Variants in TMPRSS13 observed in about 807,000 individuals in gnomAD.
The protein encoded by TMPRSS13 is transmembrane serine protease 13.
A neutral mutation model predicts 68.4 loss-of-function variants in TMPRSS13; 50 were observed. The observed-to-expected ratio is 0.73, with a 90% CI of 0.58 to 0.93. TMPRSS13 has a LOEUF of 0.93. Ranked by LOEUF, TMPRSS13 falls within the 40% of genes least tolerant of loss-of-function variation. TMPRSS13 has a pLI of 0.00. For synonymous variants in TMPRSS13, 267 were observed against 285.8 expected (o/e 0.93, Z 0.66); for missense variants, 615 against 729.2 (o/e 0.84, Z 1.80).
At chr11:117,908,814 G>A in intron 8 of TMPRSS13, 30 bp from the exon 9 acceptor site, 1 of 1,559,224 alleles carries the variant, frequency 6.4e-7, no homozygotes, top group South Asian at 1.2e-5. Flanking sequence ...GCGTGGTCCA[G>A]TACCTGCCTG....
At chr11:117,925,835 C>G (rs2057699976) in intron 1 of TMPRSS13, among the ~76,000 whole-genome samples, 1 of 152,272 alleles carries the variant, frequency 6.6e-6, no homozygotes, top group Non-Finnish European at 1.5e-5. Flanking sequence ...TCCCACCCAG[C>G]TCCCCAGCCC....
In TMPRSS13 at chr11:117,902,209, C is replaced by T. The variant is rs367608586; in HGVS notation, c.*30G>A. 3.2e-5 allele frequency: 52 copies of T among 1,612,268 alleles called. No homozygotes were observed. The Middle Eastern group carries it at 6.6e-4, about 21-fold the overall frequency. ...CCATGGCCAGAGTCTTCACAGCAGC[C>T]GGTGCTGTGCAGAGCAGCAGGCCAG... On this transcript the variant is annotated 3_prime_UTR_variant, in exon 13 of 13. Coordinates refer to ENST00000524993, the MANE Select transcript of TMPRSS13 (RefSeq NM_001077263.3).
intron 10 of TMPRSS13, 96 bp downstream of exon 10, chr11:117,905,542 T>C: frequency 9.3e-7 from 1 of 1,072,294 alleles, no homozygotes; most frequent in South Asian, 1.5e-5. Flanking sequence ...ACATAGGCCT[T>C]CATCTGTATA....
At position 117,908,705 on chromosome 11, in the gene TMPRSS13, T is replaced by G. The variant is rs1362863292; in HGVS notation, c.1189A>C (p.Ile397Leu). Reference protein sequence around the residue: ...NLHQLPEAASIAEIIINSNYT... With the variant: ...NLHQLPEAASLAEIIINSNYT... ...TTGCTGTTGATGATGATCTCGGCAA[T>G]GGAGGCTGCCTCAGGCAACTGGTGC... Residue 397 changes from isoleucine to leucine, a missense_variant, in exon 9 of 13, where the codon ATT becomes CTT. By Grantham distance (5) the Ile-to-Leu change is conservative. Transcript: ENST00000524993. 6.2e-7 allele frequency: 1 copy of G among 1,606,654 alleles called. No individual in the cohort carries two copies. Among genetic ancestry groups the G allele is most frequent in the Non-Finnish European group, 8.5e-7 (1 of 1,177,528 alleles).
chr11:117,909,954 C>A lies in TMPRSS13; in HGVS notation c.961G>T (p.Ala321Ser), dbSNP rs776435299. Residue 321 changes from alanine (A) to serine (S), a missense_variant, in exon 8 of 13, where the codon GCC (alanine) becomes TCC (serine). Ala to Ser is a moderately conservative substitution (Grantham distance 99). Coordinates refer to ENST00000524993, the MANE Select transcript of TMPRSS13 (RefSeq NM_001077263.3). ...SLQCSHCGLR[A>S]MTGRIVGGAL... Reference sequence around the variant, plus strand: ...CCTCCCACGATCCGCCCGGTCATGGCCCTCAGTCCGCAGTCTGGAGGGAAG... The same window carrying A: ...CCTCCCACGATCCGCCCGGTCATGGACCTCAGTCCGCAGTCTGGAGGGAAG... 1.9e-6 allele frequency: 3 copies of A among 1,614,104 alleles called. No homozygotes were observed. The highest frequency in any genetic ancestry group is 1.7e-4 in the Middle Eastern group (1 of 6,060).
At position 117,902,108 on chromosome 11, in the gene TMPRSS13, G is replaced by A. The variant is rs1725439476; in HGVS notation, c.*131C>T. On this transcript the variant is annotated 3_prime_UTR_variant, in exon 13 of 13. Coordinates refer to ENST00000524993, the MANE Select transcript of TMPRSS13 (RefSeq NM_001077263.3). ...CACACACACACACACACACACAGAG[G>A]CAGCAGACAGTGGAGGTGGGAGTCC... 1.1e-6 allele frequency: 1 copy of A among 916,904 alleles called. No individual in the cohort carries two copies. Among genetic ancestry groups the A allele is most frequent in the Non-Finnish European group, 1.7e-6 (1 of 584,012 alleles). The allele number at this position is 916,904 out of a possible 1,614,324, so 56.8% of individuals were successfully genotyped here.
At chr11:117,925,549 A>G (rs1214415677) in intron 1 of TMPRSS13, among the ~76,000 whole-genome samples, 1 of 151,942 alleles carries the variant, frequency 6.6e-6, no homozygotes, top group Non-Finnish European at 1.5e-5. Flanking sequence ...GTCCTAGGGT[A>G]GTGACACACT....
At chr11:117,909,323 G>C (rs556809891) in intron 8 of TMPRSS13, among the ~76,000 whole-genome samples, 1 of 152,298 alleles carries the variant, frequency 6.6e-6, no homozygotes, top group South Asian at 2.1e-4. Flanking sequence ...CCTGAGGCCT[G>C]GTCCCAGAGC....
At position 117,902,134 on chromosome 11, in the gene TMPRSS13, G is replaced by T; in HGVS notation, c.*105C>A. ...CAGCAGACAGTGGAGGTGGGAGTCC[G>T]ATGGTGCCCGGTGGCCATTAGCCCA... On this transcript the variant is annotated 3_prime_UTR_variant, in exon 13 of 13. Coordinates refer to ENST00000524993, the MANE Select transcript of TMPRSS13 (RefSeq NM_001077263.3). The T allele has an allele frequency of 1.5e-6, 2 of 1,308,160 alleles. No homozygotes were observed. Among genetic ancestry groups the T allele is most frequent in the Non-Finnish European group, 1.1e-6 (1 of 922,242 alleles). The allele number at this position is 1,308,160 out of a possible 1,614,324, so 81.0% of individuals were successfully genotyped here.
intron 9 of TMPRSS13, among the ~76,000 whole-genome samples, chr11:117,906,204 C>G (rs1196421630): frequency 6.6e-6 from 1 of 152,254 alleles, no homozygotes; most frequent in Non-Finnish European, 1.5e-5. Context: ...CACTGGTTGT[C>G]CAGAGCCTGT....
chr11:117,911,177 A>G (rs1200747488), intron 6 of TMPRSS13, among the ~76,000 whole-genome samples: 4 of 151,854 alleles, frequency 2.6e-5, no homozygotes, highest in African/African-American at 9.7e-5. Flanking sequence ...CCCTTCCCTC[A>G]CCATTACTTC....
chr11:117,908,406 G>T, intron 9 of TMPRSS13: 1 of 632,840 alleles, frequency 1.6e-6, no homozygotes, highest in South Asian at 2.0e-5. Context: ...GTGTCATTTG[G>T]AGCAAACTTA....
rs112497023 is a variant in TMPRSS13, at chr11:117,926,220, A to C, written c.21+3067T>G. ...GGGTCCTTGGAGGACGAGGTGAGGG[A>C]TGCACACCTGCAGAGGCATAGGGCA... On this transcript the variant is annotated intron_variant, in intron 1 of 12. Transcript: ENST00000524993. 4.0e-3 allele frequency among the ~76,000 whole-genome samples: 409 copies of C among 102,096 alleles called. 5 individuals carry two copies. In the East Asian group the frequency reaches 0.046, roughly 12 times the overall value. The allele number at this position is 102,096 out of a possible 152,430, so 67.0% of individuals were successfully genotyped here.
chr11:117,923,409 G>T (rs1252772630), intron 1 of TMPRSS13, among the ~76,000 whole-genome samples: 1 of 147,858 alleles, frequency 6.8e-6, no homozygotes, highest in Non-Finnish European at 1.5e-5. Context: ...TGGACCTTCT[G>T]GGGGCCCAGC....
At chr11:117,926,019 C>A (rs73022496) in intron 1 of TMPRSS13, among the ~76,000 whole-genome samples, 3 of 151,752 alleles carry the variant, frequency 2.0e-5, no homozygotes, top group African/African-American at 7.3e-5. Flanking sequence ...GGGCAGGTAC[C>A]AGGGTCCTTG....
At position 117,918,683 on chromosome 11, in the gene TMPRSS13, T is replaced by C; in HGVS notation, c.177A>G (p.Ala59=). ...GGCCTGGAGGTGTACCAGCTGGAGA[T>C]GCCTGGGCTGGAGATGCCCGGCCCG... ...TPPGRASPAQ[A]SPAGTPPGRA... Residue 59 remains alanine (A), a synonymous_variant, in exon 2 of 13, where the codon GCA becomes GCG. Transcript: ENST00000524993. 1 of 1,603,348 alleles carries C rather than the reference T, an allele frequency of 6.2e-7. No homozygotes were observed. Among genetic ancestry groups the C allele is most frequent in the Non-Finnish European group, 8.5e-7 (1 of 1,174,588 alleles).
intron 12 of TMPRSS13, chr11:117,903,450 C>T (rs1468545131): frequency 6.5e-7 from 1 of 1,537,184 alleles, no homozygotes; most frequent in Non-Finnish European, 8.7e-7. Context: ...ACCCGCTGAG[C>T]TCTGTTCTGA....
chr11:117,912,203 T>G (rs900626064), intron 5 of TMPRSS13, among the ~76,000 whole-genome samples: 2 of 152,172 alleles, frequency 1.3e-5, no homozygotes, highest in African/African-American at 4.8e-5. Context: ...GGCCCAGCGA[T>G]CACCATTTTA....
intron 8 of TMPRSS13, 147 bp from the exon 9 acceptor site, chr11:117,908,931 T>C (rs1173768331): frequency 1.6e-5 from 12 of 759,400 alleles, no homozygotes; most frequent in South Asian, 7.5e-5. Context: ...CCCTCTATCT[T>C]ATCCCTGGAG....
Sources: gnomAD v4.1 joint callset for allele counts (sites outside exome capture counted in the v4.1 genomes callset) on GRCh38, gnomAD v4.1.1 for gene constraint, MANE v1.5 for transcripts, NCBI Gene and HGNC (gene_info 2026-07-23, HGNC 2026-07-21) for gene names.